Variants in TNR observed in about 807,000 individuals in gnomAD.
The protein encoded by TNR is tenascin R.
A neutral mutation model predicts 150.4 loss-of-function variants in TNR; 45 were observed. The observed-to-expected ratio is 0.30, with a 90% confidence interval of 0.24 to 0.38. TNR has a LOEUF of 0.38. Among genes scored for constraint, TNR ranks in the 10% least tolerant of loss-of-function variants. The pLI is 1.00. For synonymous variants in TNR, 687 were observed against 678.4 expected, an observed-to-expected ratio of 1.01 and a Z score of -0.20; for missense variants, 1,544 against 1,759.1, an observed-to-expected ratio of 0.88 and a Z score of 2.19.
intron 6 of TNR, among the ~76,000 whole-genome samples, chr1:175,392,805 A>G (rs1043037298): frequency 1.3e-5 from 2 of 152,206 alleles, no homozygotes; most frequent in Non-Finnish European, 2.9e-5. Context: ...ATGTCCTTCA[A>G]GTTTTCTGAA....
chr1:175,724,003 G>A (rs1667411662), intron 1 of TNR, among the ~76,000 whole-genome samples: 1 of 151,952 alleles, frequency 6.6e-6, no homozygotes, highest in Non-Finnish European at 1.5e-5. Flanking sequence ...TGAGAAAATT[G>A]ATATTGGATA....
rs112542049 is a variant in TNR at position 175,402,082 on chromosome 1, C to T, written c.976+1058G>A. Among the ~76,000 whole-genome samples the T allele has an allele frequency of 2.8e-3, 428 of 150,748 alleles. 2 individuals carry two copies. The highest frequency in any genetic ancestry group is 9.3e-3 in the African/African-American group (382 of 41,010). On this transcript the variant is annotated intron_variant, in intron 4 of 22. Transcript: ENST00000367674. ...CAGCACTTTGGGAGGCCGAGGCGGG[C>T]GGATCATGAGGTCAGGAGATCGAGA... is the stretch of plus-strand genomic sequence containing the variant.
At chr1:175,541,081 C>G (rs1479337325) in intron 1 of TNR, among the ~76,000 whole-genome samples, 1 of 152,134 alleles carries the variant, frequency 6.6e-6, no homozygotes, top group African/African-American at 2.4e-5. Context: ...ATAGAAACAC[C>G]AGCCTGGTTA....
intron 2 of TNR, among the ~76,000 whole-genome samples, chr1:175,499,663 C>T (rs559923259): frequency 1.3e-5 from 2 of 152,340 alleles, no homozygotes; most frequent in African/African-American, 4.8e-5. Flanking sequence ...AAGCAAATTA[C>T]TCCTTGTAAT....
In TNR at chr1:175,616,575, G is replaced by A. The variant is rs536507706; in HGVS notation, c.-164-88206C>T. 1.1e-4 allele frequency among the ~76,000 whole-genome samples: 16 copies of A among 152,324 alleles called. No individual in the cohort carries two copies. The South Asian group carries it at 3.3e-3, about 32-fold the overall frequency. On this transcript the variant is annotated intron_variant, in intron 1 of 22. Coordinates refer to ENST00000367674, the MANE Select transcript of TNR (RefSeq NM_003285.3). ...AATCTCTTCTCTGGAAATCAAACAG[G>A]TGGTGTTCAGAGCTGAGGGGATCAC...
Position 175,355,596 on chromosome 1 carries a change from G to A in TNR, c.3156C>T (p.Val1052=), listed in dbSNP as rs745952554. The change falls in exon 17 of 23, where the codon GTC becomes GTT. Residue 1052 remains valine (V), a synonymous_variant. Transcript: ENST00000367674. The part of the protein sequence containing the change: ...DPPANLTASE[V]TRQSALISWQ... ...AGGAGATCAGGGCACTTTGTCTGGT[G>A]ACTTCACTGGCTGTCAGGTTTGCCG... The A allele has an allele frequency of 1.2e-6, 2 of 1,614,054 alleles. No individual in the cohort carries two copies. The highest frequency in any genetic ancestry group is 1.7e-5 in the Admixed American group (1 of 60,034).
chr1:175,696,134 T>C (rs148622996), intron 1 of TNR, among the ~76,000 whole-genome samples: 143 of 152,076 alleles, frequency 9.4e-4, no homozygotes, highest in African/African-American at 3.2e-3. Flanking sequence ...TGTTAACCAA[T>C]CTGTAGCTAA....
chr1:175,319,294 C>G lies in TNR; in HGVS notation c.*4063G>C, dbSNP rs1648927324. ...TAGCTTGGTGTATCTAGTGTTCTTG[C>G]ATGTTCTGTCTTTTCTCCAGAGGAG... On this transcript the variant is annotated 3_prime_UTR_variant, in exon 23 of 23. Coordinates refer to ENST00000367674, the MANE Select transcript of TNR (RefSeq NM_003285.3). 1 of 152,254 alleles carries G rather than the reference C, an allele frequency of 6.6e-6. No homozygotes were observed. Among genetic ancestry groups the G allele is most frequent in the South Asian group, 2.1e-4 (1 of 4,834 alleles). The allele number at this position is 152,254 out of a possible 1,614,324, so 9.4% of individuals were successfully genotyped here.
chr1:175,359,409 G>A (rs192930387), intron 15 of TNR, among the ~76,000 whole-genome samples: 3 of 152,244 alleles, frequency 2.0e-5, no homozygotes, highest in African/African-American at 7.2e-5. Context: ...GCCTCCCAAA[G>A]TGTTGGGATT....
intron 1 of TNR, among the ~76,000 whole-genome samples, chr1:175,623,504 TG>T (rs1425361505): frequency 2.0e-5 from 3 of 152,212 alleles, no homozygotes; most frequent in East Asian, 3.8e-4. Context: ...GCAGGTGACC[TG>T]GTCCCTCCTT....
intron 2 of TNR, among the ~76,000 whole-genome samples, chr1:175,522,281 G>A (rs1347434774): frequency 6.6e-6 from 1 of 152,198 alleles, no homozygotes; most frequent in Non-Finnish European, 1.5e-5. Context: ...ACAGTAGATA[G>A]GGCTAACTCA....
intron 2 of TNR, among the ~76,000 whole-genome samples, chr1:175,522,375 T>C (rs985406680): frequency 1.6e-4 from 25 of 152,170 alleles, no homozygotes; most frequent in Admixed American, 2.6e-4. Context: ...GGCATAAGAA[T>C]GACACAATGG....
chr1:175,670,152 G>C (rs1249327161), intron 1 of TNR, among the ~76,000 whole-genome samples: 1 of 152,164 alleles, frequency 6.6e-6, no homozygotes, highest in East Asian at 1.9e-4. Flanking sequence ...CCAGATTGAG[G>C]TCATGAAATT....
At chr1:175,697,625 C>T (rs1666571546) in intron 1 of TNR, among the ~76,000 whole-genome samples, 1 of 152,178 alleles carries the variant, frequency 6.6e-6, no homozygotes, top group South Asian at 2.1e-4. Context: ...ACTGTCTACC[C>T]CTGTGGACCT....
intron 1 of TNR, among the ~76,000 whole-genome samples, chr1:175,602,467 C>T (rs1260401666): frequency 1.3e-5 from 2 of 152,174 alleles, no homozygotes; most frequent in African/African-American, 2.4e-5. Context: ...GCTGGTCTGA[C>T]TAACATCAAG....
chr1:175,366,014 A>C lies in TNR; in HGVS notation c.2178T>G (p.Ile726Met), dbSNP rs763021217. The change falls in exon 11 of 23, where the codon ATT becomes ATG. Residue 726 changes from isoleucine to methionine, a missense_variant. Around this residue, in one of 2 missense-constraint regions of TNR, gnomAD observed 1,254 missense variants for 1,329.4 expected, o/e 0.94. Transcript: ENST00000367674. ...CCTTGGGTACGGTGACTTCTGAGGC[A>C]ATCCCAGAGGATGGGGTAAAGGTAA... ...YRITFTPSSG[I>M]ASEVTVPKDR... 6 of 1,614,148 alleles carry C rather than the reference A, an allele frequency of 3.7e-6. No homozygotes were observed. The South Asian group carries it at 5.5e-5, about 15-fold the overall frequency.
intron 1 of TNR, among the ~76,000 whole-genome samples, chr1:175,636,014 G>A (rs868593123): frequency 6.6e-6 from 1 of 152,110 alleles, no homozygotes; most frequent in Non-Finnish European, 1.5e-5. Flanking sequence ...CATACCATGG[G>A]TGCCAGCTCC....
chr1:175,469,691 G>A (rs528828947), intron 2 of TNR, among the ~76,000 whole-genome samples: 78 of 152,146 alleles, frequency 5.1e-4, no homozygotes, highest in Middle Eastern at 6.8e-3. Flanking sequence ...GGGCTTGGAA[G>A]GCAGGCTAAG....
intron 1 of TNR, among the ~76,000 whole-genome samples, chr1:175,648,760 C>A (rs760882903): frequency 6.6e-6 from 1 of 152,174 alleles, no homozygotes; most frequent in Non-Finnish European, 1.5e-5. Flanking sequence ...AGCTCTCTGC[C>A]TAGCCCTGTC....
Sources: allele counts gnomAD v4.1 joint callset (sites outside exome capture counted in the v4.1 genomes callset), GRCh38; gene constraint gnomAD v4.1.1; regional missense constraint gnomAD v4.1.1; transcripts MANE v1.5; gene names NCBI Gene and HGNC (gene_info 2026-07-23, HGNC 2026-07-21).